PTPN13: variants seen among roughly 807,000 people sequenced by gnomAD.
PTPN13 encodes the protein tyrosine-protein phosphatase non-receptor type 13.
Under a neutral mutation model 284.0 loss-of-function variants are expected in PTPN13, and 191 were observed. The ratio of observed to expected loss-of-function variants is 0.67; its 90% confidence interval spans 0.60 to 0.76. PTPN13 has a LOEUF of 0.76. PTPN13 is among the 30% of genes least tolerant of loss of function. PTPN13 has a pLI of 0.00. For missense variants in PTPN13, 2,797 were observed against 2,939.9 expected (o/e 0.95, Z 1.12); for synonymous variants, 986 against 1,022.3 (o/e 0.96, Z 0.68).
At chr4:86,651,600 C>T (rs1725081350) in intron 2 of PTPN13, among the ~76,000 whole-genome samples, 1 of 152,278 alleles carries the variant, frequency 6.6e-6, no homozygotes, top group Admixed American at 6.5e-5. Context: ...AGCAGTGAAG[C>T]CATCAGGTCC....
chr4:86,604,602 AT>A (rs988547487), intron 1 of PTPN13, among the ~76,000 whole-genome samples: 34 of 152,134 alleles, frequency 2.2e-4, no homozygotes, highest in African/African-American at 7.5e-4. Flanking sequence ...AGGAAACAAA[AT>A]AGGTAAATCC....
intron 40 of PTPN13, among the ~76,000 whole-genome samples, chr4:86,790,886 C>T (rs1024730831): frequency 9.2e-5 from 14 of 152,002 alleles, no homozygotes; most frequent in African/African-American, 2.9e-4. Context: ...CCAAAATGAC[C>T]GAATAGGAAC....
chr4:86,687,239 T>C (rs1362984837), intron 4 of PTPN13, among the ~76,000 whole-genome samples: 2 of 152,168 alleles, frequency 1.3e-5, no homozygotes, highest in Non-Finnish European at 2.9e-5. Context: ...CTTTTTCTCT[T>C]GGCACTTCAA....
chr4:86,767,824 A>G lies in PTPN13; in HGVS notation c.4337A>G (p.His1446Arg). 1 of 1,572,870 alleles carries G rather than the reference A, an allele frequency of 6.4e-7. No individual in the cohort carries two copies. Among genetic ancestry groups the G allele is most frequent in the South Asian group, 1.2e-5 (1 of 84,440 alleles). ...ETLRNTGQVV[H>R]LLLEKGQSPT... ...GCTATTTTACTTATCCAGGTGGTTC[A>G]TCTGTTATTAGAAAAGGGACAATCT... Residue 1446 changes from histidine to arginine, a missense_variant, in exon 28 of 48, where the codon CAT becomes CGT. Transcript: ENST00000411767.
At chr4:86,643,837 A>G (rs911587147) in intron 2 of PTPN13, among the ~76,000 whole-genome samples, 8 of 152,188 alleles carry the variant, frequency 5.3e-5, no homozygotes, top group African/African-American at 7.2e-5. Flanking sequence ...AAAGCAAATC[A>G]TTATGAACTT....
At chr4:86,600,146 G>A (rs942400571) in intron 1 of PTPN13, among the ~76,000 whole-genome samples, 21 of 151,852 alleles carry the variant, frequency 1.4e-4, no homozygotes, top group Non-Finnish European at 2.5e-4. Flanking sequence ...ATAGGGGAAG[G>A]CATTTCCTTG....
At chr4:86,698,260 C>G (rs930867575) in intron 6 of PTPN13, among the ~76,000 whole-genome samples, 7 of 152,236 alleles carry the variant, frequency 4.6e-5, no homozygotes, top group African/African-American at 1.7e-4. Flanking sequence ...CTGTTTTGAA[C>G]AATCAGTTGA....
At chr4:86,711,966 G>A (rs1036265867) in intron 7 of PTPN13, among the ~76,000 whole-genome samples, 1 of 152,082 alleles carries the variant, frequency 6.6e-6, no homozygotes, top group African/African-American at 2.4e-5. Context: ...GTATGTAGAA[G>A]CATCTTTTTG....
At chr4:86,771,656 A>G (rs1740015270) in intron 31 of PTPN13, 121 bp downstream of exon 31, 1 of 1,083,144 alleles carries the variant, frequency 9.2e-7, no homozygotes, top group Non-Finnish European at 1.3e-6. Context: ...GTGGTTAGGC[A>G]GAGGATGACT....
At position 86,811,097 on chromosome 4, in the gene PTPN13, G is replaced by A; in HGVS notation, c.7351G>A (p.Val2451Ile). The change falls in exon 47 of 48, where the codon GTT becomes ATT. Residue 2451 changes from valine to isoleucine, a missense_variant. Coordinates refer to ENST00000411767, the MANE Select transcript of PTPN13 (RefSeq NM_080683.3). ...CATGAGACTACAAAGACACGGAATGGTTCAGACAGAGGTGAGTCATGGCTG... is the reference window on the plus strand; with the variant it reads ...CATGAGACTACAAAGACACGGAATGATTCAGACAGAGGTGAGTCATGGCTG... Reference protein sequence around the residue: ...RCMRLQRHGMVQTEDQYIFCY... With the variant: ...RCMRLQRHGMIQTEDQYIFCY... 1 of 1,613,360 alleles carries A rather than the reference G, an allele frequency of 6.2e-7. No individual in the cohort carries two copies. The highest frequency in any genetic ancestry group is 2.2e-5 in the East Asian group (1 of 44,848).
chr4:86,651,652 T>C (rs1725091396), intron 2 of PTPN13, among the ~76,000 whole-genome samples: 1 of 152,194 alleles, frequency 6.6e-6, no homozygotes, highest in South Asian at 2.1e-4. Flanking sequence ...ACTGCTCTTA[T>C]CTCATTACTT....
rs759783068 is a variant in PTPN13 at position 86,693,634 on chromosome 4, G to T, written c.594G>T (p.Gln198His). 1 of 1,557,210 alleles carries T rather than the reference G, an allele frequency of 6.4e-7. No individual in the cohort carries two copies. Among genetic ancestry groups the T allele is most frequent in the Admixed American group, 1.9e-5 (1 of 52,612 alleles). Residue 198 changes from glutamine (Q) to histidine (H), a missense_variant, in exon 6 of 48, where the codon CAG (glutamine) becomes CAT (histidine). Coordinates refer to ENST00000411767, the MANE Select transcript of PTPN13 (RefSeq NM_080683.3). Reference sequence around the variant, plus strand: ...GTGAACAAAAGCCTGATCGAAGCCAGGCTATTCGAGATCGATTGCGAGGAA... The same window carrying T: ...GTGAACAAAAGCCTGATCGAAGCCATGCTATTCGAGATCGATTGCGAGGAA... ...CNSEQKPDRS[Q>H]AIRDRLRGKG...
chr4:86,656,475 C>T (rs2148828801), intron 2 of PTPN13, among the ~76,000 whole-genome samples: 1 of 152,322 alleles, frequency 6.6e-6, no homozygotes, highest in South Asian at 2.1e-4. Context: ...GGACCCTCAG[C>T]TGCAGGTCTG....
In PTPN13 at chr4:86,628,748, C is replaced by T. The variant is rs1227688365; in HGVS notation, c.-5-6504C>T. Among the ~76,000 whole-genome samples, 68 of 139,488 alleles carry T rather than the reference C, an allele frequency of 4.9e-4. 1 individual carries two copies. The highest frequency in any genetic ancestry group is 1.7e-3 in the African/African-American group (63 of 37,006). 91.5% of individuals were successfully genotyped at this position (139,488 alleles called of 152,430 possible). A position where few individuals can be genotyped will look rare whatever the true frequency, so the allele number is the denominator to read the frequency against. On this transcript the variant is annotated intron_variant, in intron 1 of 47. Transcript: ENST00000411767. ...ATTCCCACCTATGAGTGAGAACATG[C>T]GGTGTTTGGTTTTTTGTTCTTGCGA...
intron 3 of PTPN13, among the ~76,000 whole-genome samples, chr4:86,677,282 C>A (rs1026990214): frequency 1.1e-4 from 17 of 150,704 alleles, no homozygotes; most frequent in African/African-American, 4.1e-4. Flanking sequence ...ACAACAACAA[C>A]AAAATATATA....
intron 10 of PTPN13, 98 bp downstream of exon 10, chr4:86,722,532 G>A: frequency 1.1e-6 from 1 of 884,406 alleles, no homozygotes; most frequent in Non-Finnish European, 1.8e-6. Context: ...TCCATCTAAA[G>A]TTACCTGTAG....
rs763560547 is a variant in PTPN13, at chr4:86,814,553, A to C, written c.*2A>C. 2 of 1,603,012 alleles carry C rather than the reference A, an allele frequency of 1.2e-6. No individual in the cohort carries two copies. The highest frequency in any genetic ancestry group is 2.2e-5 in the South Asian group (2 of 90,758). On this transcript the variant is annotated 3_prime_UTR_variant, in exon 48 of 48. Transcript: ENST00000411767. Reference sequence around the variant, plus strand: ...CAGCAGCCTCAGCTTCTGAAGTGACATGAAAAGAGCCTCTGGATGCATTTC... The same window carrying C: ...CAGCAGCCTCAGCTTCTGAAGTGACCTGAAAAGAGCCTCTGGATGCATTTC...
chr4:86,703,286 T>C (rs1463541859), intron 7 of PTPN13, among the ~76,000 whole-genome samples: 1 of 152,180 alleles, frequency 6.6e-6, no homozygotes, highest in Non-Finnish European at 1.5e-5. Context: ...GGAATTGTGA[T>C]AGCAGAGAGA....
At position 86,769,926 on chromosome 4, in the gene PTPN13, T is replaced by C. The variant is rs1739787891; in HGVS notation, c.4647T>C (p.Asp1549=). ...GQPAAESGKI[D]VGDVILKVNG... ...CAGCAGCAGAAAGTGGAAAAATTGA[T>C]GTAGGAGATGTTATCTTGAAAGTGA... The change falls in exon 29 of 48, where the codon GAT becomes GAC. Residue 1549 remains aspartate, a synonymous_variant. Transcript: ENST00000411767. The C allele has an allele frequency of 6.2e-7, 1 of 1,613,920 alleles. No homozygotes were observed. Among genetic ancestry groups the C allele is most frequent in the East Asian group, 2.2e-5 (1 of 44,866 alleles).
Sources: gnomAD v4.1 joint callset for allele counts (sites outside exome capture counted in the v4.1 genomes callset) on GRCh38, gnomAD v4.1.1 for gene constraint, MANE v1.5 for transcripts, NCBI Gene and HGNC (gene_info 2026-07-23, HGNC 2026-07-21) for gene names.